The following NEXMIF variants were observed in gnomAD, a reference collection of about 807,000 sequenced individuals.
NEXMIF encodes neurite extension and migration factor.
NEXMIF carries 8 observed loss-of-function variants against 62.1 expected under a neutral mutation model. The observed-to-expected ratio is 0.13, with a 90% CI of 0.08 to 0.23. NEXMIF has a LOEUF of 0.23. Ranked by LOEUF, NEXMIF falls within the 10% of genes least tolerant of loss-of-function variation. The pLI, the probability that NEXMIF is intolerant of heterozygous loss-of-function variation, is 1.00. For synonymous variants in NEXMIF, 404 were observed against 416.6 expected, an observed-to-expected ratio of 0.97 and a Z score of 0.37; for missense variants, 976 against 1,113.3, an observed-to-expected ratio of 0.88 and a Z score of 1.75.
intron 1 of NEXMIF, among the ~76,000 whole-genome samples, chrX:74,897,242 C>T (rs996807988): frequency 1.8e-5 from 2 of 111,741 alleles, no homozygotes; most frequent in Admixed American, 9.5e-5. Context: ...CATATGGTGA[C>T]TTTGGATAAG....
rs1222399271 is a variant in NEXMIF, at chrX:74,738,723, A to G, written c.*682T>C. The G allele has an allele frequency of 9.1e-6, 1 of 110,451 alleles. No individual in the cohort carries two copies. Among genetic ancestry groups the G allele is most frequent in the Non-Finnish European group, 1.9e-5 (1 of 52,732 alleles). 9.1% of individuals were successfully genotyped at this position (110,451 alleles called of 1,213,427 possible). A position where few individuals can be genotyped will look rare whatever the true frequency, so the allele number is the denominator to read the frequency against. ...GTTGTGGCCTTCAGACTTTTCCAAA[A>G]TTTTAACCCTTACACAATGGAACAA... On this transcript the variant is annotated 3_prime_UTR_variant, in exon 4 of 4. Transcript: ENST00000055682.
intron 1 of NEXMIF, among the ~76,000 whole-genome samples, chrX:74,859,038 GA>G (rs1328917320): frequency 2.7e-5 from 3 of 110,708 alleles, no homozygotes. Context: ...CTCAAAAGGG[GA>G]AATCTAAGAG....
chrX:74,844,077 A>AT (rs914573111), intron 1 of NEXMIF, among the ~76,000 whole-genome samples: 2 of 111,548 alleles, frequency 1.8e-5, no homozygotes, highest in Non-Finnish European at 3.8e-5. Context: ...TTGGTTGAAG[A>AT]TTTTTTTCTT....
At chrX:74,851,099 A>G (rs2080511818) in intron 1 of NEXMIF, among the ~76,000 whole-genome samples, 1 of 110,458 alleles carries the variant, frequency 9.1e-6, no homozygotes, top group Non-Finnish European at 1.9e-5. Context: ...AGCTTCAACA[A>G]TAGACTAGAT....
rs186079919 is a variant in NEXMIF, at chrX:74,884,599, T to C, written c.-48+40284A>G. Among the ~76,000 whole-genome samples, 77 of 111,865 alleles carry C rather than the reference T, an allele frequency of 6.9e-4. 1 individual carries two copies. Among genetic ancestry groups the C allele is most frequent in the African/African-American group, 2.4e-3 (74 of 30,781 alleles). On this transcript the variant is annotated intron_variant, in intron 1 of 3. Transcript: ENST00000055682. ...TCAATTCAACAAGAAGAACTAACTA[T>C]CCTAAATATATATGCGCACAATACA...
intron 1 of NEXMIF, among the ~76,000 whole-genome samples, chrX:74,760,021 A>G (rs995282764): frequency 1.8e-5 from 2 of 112,198 alleles, no homozygotes; most frequent in Non-Finnish European, 3.8e-5. Context: ...CCTATCCATG[A>G]GCATGGACTA....
At chrX:74,876,481 G>C (rs1438391662) in intron 1 of NEXMIF, among the ~76,000 whole-genome samples, 1 of 110,848 alleles carries the variant, frequency 9.0e-6, no homozygotes, top group Admixed American at 9.7e-5. Context: ...ATTTGGGGTG[G>C]AGAGTTCTGT....
intron 1 of NEXMIF, among the ~76,000 whole-genome samples, chrX:74,771,426 TA>T (rs1244849463): frequency 9.0e-6 from 1 of 111,320 alleles, no homozygotes; most frequent in East Asian, 2.8e-4. Flanking sequence ...TAAAAGTAGC[TA>T]CCTGTTACTG....
rs1386601087 is a variant in NEXMIF, at chrX:74,877,218, C to G, written c.-48+47665G>C. 4.5e-5 allele frequency among the ~76,000 whole-genome samples: 5 copies of G among 110,953 alleles called. No homozygotes were observed. In the East Asian group the frequency reaches 1.4e-3, roughly 31 times the overall value. Reference sequence around the variant, plus strand: ...ACAAAATCTCTCAGCATTTGCTTATCTGTAAAGTATTTTATTTCTCCTTCA... The same window carrying G: ...ACAAAATCTCTCAGCATTTGCTTATGTGTAAAGTATTTTATTTCTCCTTCA... On this transcript the variant is annotated intron_variant, in intron 1 of 3. Transcript: ENST00000055682.
At chrX:74,924,596 C>G (rs978771685) in intron 1 of NEXMIF, among the ~76,000 whole-genome samples, 3 of 113,478 alleles carry the variant, frequency 2.6e-5, no homozygotes, top group African/African-American at 6.4e-5. Context: ...GGCTCCGGTC[C>G]GCTCGCTTCC....
intron 1 of NEXMIF, among the ~76,000 whole-genome samples, chrX:74,758,785 T>C (rs780871351): frequency 1.2e-4 from 13 of 112,367 alleles, no homozygotes; most frequent in Non-Finnish European, 2.4e-4. Context: ...TACCACATTT[T>C]CTTTATCCTA....
chrX:74,886,355 A>G (rs776013820), intron 1 of NEXMIF, among the ~76,000 whole-genome samples: 14 of 111,874 alleles, frequency 1.3e-4, no homozygotes, highest in East Asian at 2.8e-4. Context: ...GAGGAAGTCA[A>G]ATTGTCCCTG....
chrX:74,894,100 T>C (rs189473559), intron 1 of NEXMIF, among the ~76,000 whole-genome samples: 1 of 108,740 alleles, frequency 9.2e-6, no homozygotes, highest in East Asian at 3.0e-4. Flanking sequence ...AAGACCAGCC[T>C]GGGCCACAGA....
rs1246396601 is a variant in NEXMIF, at chrX:74,737,689, C to T, written c.*1716G>A. ...CCTTCCATTTCTCTCTGACTACTTT[C>T]AAATGTTGCTTCTCTGTTTGTGAAT... On this transcript the variant is annotated 3_prime_UTR_variant, in exon 4 of 4. Transcript: ENST00000055682. The T allele has an allele frequency of 9.0e-6, 1 of 111,584 alleles. No homozygotes were observed. The highest frequency in any genetic ancestry group is 9.6e-5 in the Admixed American group (1 of 10,455). The allele number at this position is 111,584 out of a possible 1,213,427, so 9.2% of individuals were successfully genotyped here.
At chrX:74,907,701 T>C (rs5981709) in intron 1 of NEXMIF, among the ~76,000 whole-genome samples, 1,137 of 111,576 alleles carry the variant, frequency 0.01, 14 homozygotes, top group African/African-American at 0.035. Flanking sequence ...TAGGAGTCCT[T>C]TGAGTCCTTT....
chrX:74,820,034 G>T (rs2080389621), intron 1 of NEXMIF, among the ~76,000 whole-genome samples: 2 of 111,144 alleles, frequency 1.8e-5, no homozygotes, highest in Non-Finnish European at 3.8e-5. Flanking sequence ...CATGTCCTTT[G>T]CAGGGACATG....
At chrX:74,885,983 G>C (rs1304991363) in intron 1 of NEXMIF, among the ~76,000 whole-genome samples, 6 of 111,905 alleles carry the variant, frequency 5.4e-5, no homozygotes, top group African/African-American at 1.6e-4. Flanking sequence ...GGGATGCAAG[G>C]CTGGTTCAAC....
At chrX:74,814,046 T>C (rs1328894335) in intron 1 of NEXMIF, among the ~76,000 whole-genome samples, 2 of 111,913 alleles carry the variant, frequency 1.8e-5, no homozygotes, top group Non-Finnish European at 3.8e-5. Context: ...TTCATTGTCA[T>C]CCCTGTAGCA....
chrX:74,911,562 A>G, intron 1 of NEXMIF, among the ~76,000 whole-genome samples: 1 of 112,246 alleles, frequency 8.9e-6, no homozygotes, highest in Non-Finnish European at 1.9e-5. Flanking sequence ...GATCTGGGTG[A>G]GCCATAGTCT....
Sources: gnomAD v4.1 joint callset for allele counts (sites outside exome capture counted in the v4.1 genomes callset) on GRCh38, gnomAD v4.1.1 for gene constraint, MANE v1.5 for transcripts, NCBI Gene and HGNC (gene_info 2026-07-23, HGNC 2026-07-21) for gene names.